IRAK1BP1: variants seen among roughly 807,000 people sequenced by gnomAD.
IRAK1BP1 encodes the protein interleukin-1 receptor-associated kinase 1-binding protein 1.
In IRAK1BP1, 24 loss-of-function variants were observed where a neutral mutation model predicts 28.0. That is an observed-to-expected ratio of 0.86 (90% confidence interval 0.62 to 1.20). The LOEUF (loss-of-function observed/expected upper bound fraction) is 1.20. IRAK1BP1 is among the 50% of genes most tolerant of loss of function. IRAK1BP1 has a pLI of 0.00. For synonymous variants in IRAK1BP1, 131 were observed against 116.3 expected (o/e 1.13, Z -0.81); for missense variants, 336 against 316.7 (o/e 1.06, Z -0.46).
intron 4 of IRAK1BP1, among the ~76,000 whole-genome samples, chr6:78,922,758 G>C (rs1157938196): frequency 6.6e-6 from 1 of 152,100 alleles, no homozygotes; most frequent in Non-Finnish European, 1.5e-5. Flanking sequence ...AAGAGAGTGG[G>C]GGCCAATATT....
At chr6:78,922,337 A>C (rs1236479530) in intron 4 of IRAK1BP1, among the ~76,000 whole-genome samples, 2 of 152,250 alleles carry the variant, frequency 1.3e-5, no homozygotes, top group Non-Finnish European at 2.9e-5. Context: ...ATGGAAGATC[A>C]AATGAATGAA....
chr6:78,952,522 C>T, the IRAK1BP1 span, among the ~76,000 whole-genome samples: 2 of 151,454 alleles, frequency 1.3e-5, no homozygotes, highest in South Asian at 4.2e-4. Context: ...TTCTCTTCCA[C>T]TGAAATTTTT....
At chr6:78,892,353 A>T (rs140494525) in intron 2 of IRAK1BP1, among the ~76,000 whole-genome samples, 19 of 152,266 alleles carry the variant, frequency 1.2e-4, no homozygotes, top group African/African-American at 4.6e-4. Context: ...GCAAGACTGA[A>T]TTAACTTTTT....
rs1772148577 is a variant in IRAK1BP1, at chr6:78,902,785, TAC to T, written c.*4453_*4454del. 6.3e-6 allele frequency: 1 copy of T among 158,206 alleles called. No individual in the cohort carries two copies. The highest frequency in any genetic ancestry group is 1.7e-4 in the African/African-American group (1 of 5,848). The allele number at this position is 158,206 out of a possible 1,614,324, so 9.8% of individuals were successfully genotyped here. A position where few individuals can be genotyped will look rare whatever the true frequency, so the allele number is the denominator to read the frequency against. ...GACTCCATCTACATACATACATACA[TAC>T]ATACATACATACATACATACATACA... is the stretch of plus-strand genomic sequence containing the variant. On this transcript the variant is annotated 3_prime_UTR_variant, in exon 4 of 4. Coordinates refer to ENST00000369940, the MANE Select transcript of IRAK1BP1 (RefSeq NM_001010844.4).
chr6:78,908,465 C>G lies in IRAK1BP1; in HGVS notation c.*67+5355C>G, dbSNP rs561061167. Among the ~76,000 whole-genome samples, 116 of 152,246 alleles carry G rather than the reference C, an allele frequency of 7.6e-4. 1 individual carries two copies. Among genetic ancestry groups the G allele is most frequent in the African/African-American group, 2.6e-3 (109 of 41,544 alleles). ...CCAGACTCAAGTGATCTTCCTGTCT[C>G]AGCCTCTTGAGTAGCTAAGACTCAA... On this transcript the variant is annotated intron_variant and NMD_transcript_variant, in intron 4 of 4. Transcript: ENST00000606868.
the IRAK1BP1 span, chr6:78,963,029 A>G: frequency 3.5e-6 from 5 of 1,421,310 alleles, no homozygotes; most frequent in Middle Eastern, 1.8e-4. Flanking sequence ...TTGTTGGAGA[A>G]TAACAGTATT....
intron 1 of IRAK1BP1, among the ~76,000 whole-genome samples, chr6:78,881,729 G>A (rs55682143): frequency 0.018 from 2,740 of 152,248 alleles, 90 homozygotes; most frequent in African/African-American, 0.061. Flanking sequence ...CCATGCTCTA[G>A]TTGGTAAATA....
intron 1 of IRAK1BP1, among the ~76,000 whole-genome samples, chr6:78,874,580 G>GA (rs1205676541): frequency 2.6e-5 from 4 of 151,956 alleles, no homozygotes; most frequent in African/African-American, 9.7e-5. Context: ...TTACTCTTCT[G>GA]AAAAAAATTC....
the IRAK1BP1 span, among the ~76,000 whole-genome samples, chr6:78,975,558 C>G: frequency 6.6e-6 from 1 of 152,184 alleles, no homozygotes; most frequent in East Asian, 1.9e-4. Flanking sequence ...AAAGGGTATT[C>G]AATTAGGAAA....
At chr6:78,905,823 G>A (rs377117960), downstream of IRAK1BP1, among the ~76,000 whole-genome samples, 18 of 152,150 alleles carry the variant, frequency 1.2e-4, no homozygotes, top group African/African-American at 4.3e-4. Flanking sequence ...GGATGGTGTC[G>A]ATCTCCTGAC....
At chr6:78,941,910 GCAAT>G (rs1773521134) in intron 4 of IRAK1BP1, among the ~76,000 whole-genome samples, 1 of 152,042 alleles carries the variant, frequency 6.6e-6, no homozygotes, top group Admixed American at 6.6e-5. Context: ...AGAAAATCTG[GCAAT>G]CAAATTCTAA....
chr6:78,927,793 C>A (rs1554192217), intron 4 of IRAK1BP1, among the ~76,000 whole-genome samples: 1 of 152,132 alleles, frequency 6.6e-6, no homozygotes, highest in Non-Finnish European at 1.5e-5. Flanking sequence ...AAAAGACTGT[C>A]TTTTCCCAAC....
At chr6:78,897,062 G>A (rs1420266800) in intron 2 of IRAK1BP1, among the ~76,000 whole-genome samples, 1 of 151,530 alleles carries the variant, frequency 6.6e-6, no homozygotes, top group African/African-American at 2.4e-5. Flanking sequence ...CCAGCTTGGG[G>A]AACATAGTGA....
At chr6:78,975,475 GCT>G in the IRAK1BP1 span, among the ~76,000 whole-genome samples, 1 of 152,186 alleles carries the variant, frequency 6.6e-6, no homozygotes, top group Admixed American at 6.5e-5. Context: ...AGACAGGGAT[GCT>G]CTCTCTCACC....
intron 1 of IRAK1BP1, among the ~76,000 whole-genome samples, chr6:78,875,368 T>C (rs1719171446): frequency 6.6e-6 from 1 of 152,124 alleles, no homozygotes; most frequent in Non-Finnish European, 1.5e-5. Flanking sequence ...GACCTGGCAA[T>C]CTCTTTGCCG....
intron 1 of IRAK1BP1, chr6:78,871,587 T>C: frequency 1.1e-6 from 1 of 950,506 alleles, no homozygotes; most frequent in Non-Finnish European, 1.3e-6. Context: ...CCAAAATTTA[T>C]AGTTGAAACC....
chr6:78,889,583 A>G (rs1362523611), intron 2 of IRAK1BP1, among the ~76,000 whole-genome samples: 2 of 151,912 alleles, frequency 1.3e-5, no homozygotes, highest in African/African-American at 4.8e-5. Flanking sequence ...AAAAAAAAAA[A>G]AAAATCCCCA....
At chr6:78,962,248 G>A in the IRAK1BP1 span, among the ~76,000 whole-genome samples, 1 of 152,038 alleles carries the variant, frequency 6.6e-6, no homozygotes, top group Non-Finnish European at 1.5e-5. Context: ...TATTAGACAA[G>A]TAGAGAAAAG....
chr6:78,926,967 T>C (rs1025670276), intron 4 of IRAK1BP1, among the ~76,000 whole-genome samples: 1 of 152,226 alleles, frequency 6.6e-6, no homozygotes, highest in Non-Finnish European at 1.5e-5. Flanking sequence ...CTTAGGTTCC[T>C]TCCAAATCTT....
Sources: gnomAD v4.1 joint callset for allele counts (sites outside exome capture counted in the v4.1 genomes callset) on GRCh38, gnomAD v4.1.1 for gene constraint, MANE v1.5 for transcripts, NCBI Gene and HGNC (gene_info 2026-07-23, HGNC 2026-07-21) for gene names.